The following CTNNA3 variants were observed in gnomAD, a reference collection of about 807,000 sequenced individuals.
The protein encoded by CTNNA3 is catenin alpha 3, also known as catenin alpha-3.
CTNNA3 carries 76 observed loss-of-function variants against 95.7 expected under a neutral mutation model. That is an observed-to-expected ratio of 0.79 (90% CI 0.66 to 0.96). CTNNA3 has a LOEUF of 0.96. Among genes scored for constraint, CTNNA3 ranks in the 40% least tolerant of loss-of-function variants. CTNNA3 has a pLI of 0.00. For missense variants in CTNNA3, 1,191 were observed against 1,089.8 expected (o/e 1.09, Z -1.31); for synonymous variants, 431 against 374.4 (o/e 1.15, Z -1.74).
intron 13 of CTNNA3, among the ~76,000 whole-genome samples, chr10:66,146,370 G>A (rs2083886405): frequency 6.6e-6 from 1 of 152,072 alleles, no homozygotes. Flanking sequence ...TTTACACTGA[G>A]TAATAGATAC....
chr10:66,056,929 G>C (rs958078433), intron 15 of CTNNA3, among the ~76,000 whole-genome samples: 2 of 152,142 alleles, frequency 1.3e-5, no homozygotes, highest in Non-Finnish European at 2.9e-5. Flanking sequence ...AATAGACCCA[G>C]AATGGACATG....
At chr10:66,415,368 A>G (rs1258828026) in intron 11 of CTNNA3, among the ~76,000 whole-genome samples, 2 of 152,058 alleles carry the variant, frequency 1.3e-5, no homozygotes, top group East Asian at 3.9e-4. Flanking sequence ...AGGCCTGGAC[A>G]CTGACCTTCC....
At chr10:66,957,346 A>T (rs1020479767) in intron 7 of CTNNA3, among the ~76,000 whole-genome samples, 1 of 149,922 alleles carries the variant, frequency 6.7e-6, no homozygotes, top group African/African-American at 2.4e-5. Context: ...ACAAGTAAAA[A>T]ATACTTTAGA....
At chr10:65,927,627 A>T (rs970082037) in intron 17 of CTNNA3, among the ~76,000 whole-genome samples, 1 of 152,224 alleles carries the variant, frequency 6.6e-6, no homozygotes, top group African/African-American at 2.4e-5. Flanking sequence ...TGCATGTACC[A>T]GTAGTTTATT....
chr10:67,725,802 C>A lies in CTNNA3; in HGVS notation c.-2+37632G>T, dbSNP rs1841207097. On this transcript the variant is annotated intron_variant, in intron 1 of 17. Transcript: ENST00000684154. The stretch of plus-strand genomic sequence containing the variant: ...GAAGATTCCACCCTGCCCCATGGCA[C>A]CCCTTATTCGCCAAAATCTTGATTT... Among the ~76,000 whole-genome samples the A allele has an allele frequency of 2.0e-5, 3 of 150,836 alleles. No individual in the cohort carries two copies. The South Asian group carries it at 6.2e-4, about 31-fold the overall frequency.
intron 8 of CTNNA3, among the ~76,000 whole-genome samples, chr10:66,773,162 C>T (rs1260749287): frequency 6.6e-6 from 1 of 152,124 alleles, no homozygotes; most frequent in African/African-American, 2.4e-5. Context: ...ATCATAGCAA[C>T]TAACTTCATC....
At chr10:67,566,124 G>A (rs1162504126) in intron 3 of CTNNA3, among the ~76,000 whole-genome samples, 2 of 120,006 alleles carry the variant, frequency 1.7e-5, no homozygotes, top group Non-Finnish European at 3.4e-5. Context: ...AGGACTTCAT[G>A]TCTAAAACAC....
chr10:66,773,633 A>G (rs1840183146), intron 8 of CTNNA3, among the ~76,000 whole-genome samples: 1 of 152,172 alleles, frequency 6.6e-6, no homozygotes, highest in Admixed American at 6.5e-5. Flanking sequence ...CCAACCCAAG[A>G]CATCGTGAGA....
chr10:67,707,321 A>G (rs1314733016), intron 1 of CTNNA3, among the ~76,000 whole-genome samples: 2 of 151,840 alleles, frequency 1.3e-5, no homozygotes, highest in African/African-American at 2.4e-5. Context: ...TTTTACCTCA[A>G]CTCACAACAT....
chr10:67,287,838 G>A (rs1175380308), intron 5 of CTNNA3, among the ~76,000 whole-genome samples: 2 of 152,156 alleles, frequency 1.3e-5, no homozygotes, highest in African/African-American at 4.8e-5. Context: ...ATAATTAGGG[G>A]TGTAGTTTTA....
Position 65,927,067 on chromosome 10 carries a change from G to C in CTNNA3, c.2401-6450C>G, listed in dbSNP as rs183348154. On this transcript the variant is annotated intron_variant, in intron 17 of 17. Transcript: ENST00000433211. Reference sequence around the variant, plus strand: ...TTTCATTTTTTTTAATTTTTGTTCTGTATTATTCCACTAGACAGAAATGCC... The same window carrying C: ...TTTCATTTTTTTTAATTTTTGTTCTCTATTATTCCACTAGACAGAAATGCC... Among the ~76,000 whole-genome samples, 65 of 151,518 alleles carry C rather than the reference G, an allele frequency of 4.3e-4. No homozygotes were observed. In the East Asian group the frequency reaches 8.6e-3, roughly 20 times the overall value.
chr10:66,822,926 G>T (rs1230131555), intron 7 of CTNNA3, among the ~76,000 whole-genome samples: 1 of 152,156 alleles, frequency 6.6e-6, no homozygotes, highest in Admixed American at 6.5e-5. Context: ...TGATCCACAG[G>T]CCAGCACAAA....
intron 9 of CTNNA3, among the ~76,000 whole-genome samples, chr10:66,706,169 CA>C (rs922223383): frequency 6.6e-6 from 1 of 151,958 alleles, no homozygotes; most frequent in African/African-American, 2.4e-5. Flanking sequence ...CTACAAAAAA[CA>C]ATGGAAATTC....
intron 7 of CTNNA3, among the ~76,000 whole-genome samples, chr10:67,105,596 C>A (rs1347699686): frequency 6.6e-6 from 1 of 152,082 alleles, no homozygotes; most frequent in African/African-American, 2.4e-5. Flanking sequence ...ATGCCCTAAA[C>A]AGTCTGATGA....
chr10:67,694,785 T>C lies in CTNNA3; in HGVS notation c.-6+1215A>G, dbSNP rs544758217. On this transcript the variant is annotated intron_variant, in intron 1 of 17. Transcript: ENST00000433211. Reference sequence around the variant, plus strand: ...AAAAAAAAGACTAGAAGGAAACACATCAATGAAATTACAGGAAATATTTTT... The same window carrying C: ...AAAAAAAAGACTAGAAGGAAACACACCAATGAAATTACAGGAAATATTTTT... Among the ~76,000 whole-genome samples the C allele has an allele frequency of 1.8e-4, 28 of 152,208 alleles. 1 individual carries two copies. The highest frequency in any genetic ancestry group is 5.3e-4 in the African/African-American group (22 of 41,568).
chr10:66,338,655 G>A (rs1176725655), intron 12 of CTNNA3, among the ~76,000 whole-genome samples: 1 of 151,874 alleles, frequency 6.6e-6, no homozygotes, highest in Admixed American at 6.6e-5. Context: ...AAAACCTAAA[G>A]AGAAAAGAGC....
chr10:66,059,480 T>A, intron 15 of CTNNA3, among the ~76,000 whole-genome samples: 1 of 152,138 alleles, frequency 6.6e-6, no homozygotes, highest in East Asian at 1.9e-4. Flanking sequence ...TCTCAGCTCC[T>A]AGCAACATTC....
intron 9 of CTNNA3, among the ~76,000 whole-genome samples, chr10:66,690,647 T>A (rs1490734502): frequency 1.3e-5 from 2 of 150,980 alleles, no homozygotes; most frequent in Non-Finnish European, 2.9e-5. Context: ...ACAAAGGACA[T>A]GAACTCATCA....
At chr10:67,315,101 CT>C (rs1840986234) in intron 5 of CTNNA3, among the ~76,000 whole-genome samples, 1 of 152,188 alleles carries the variant, frequency 6.6e-6, no homozygotes. Flanking sequence ...GTCCTCAGAC[CT>C]TTTCTTTTCT....
Sources: allele counts gnomAD v4.1 joint callset (sites outside exome capture counted in the v4.1 genomes callset), GRCh38; gene constraint gnomAD v4.1.1; transcripts MANE v1.5; gene names NCBI Gene and HGNC (gene_info 2026-07-23, HGNC 2026-07-21).